WDR7: variants seen among roughly 807,000 people sequenced by gnomAD.
WDR7 encodes the protein WD repeat-containing protein 7.
Under a neutral mutation model 169.4 loss-of-function variants are expected in WDR7, and 46 were observed. The observed-to-expected ratio is 0.27, with a 90% CI of 0.21 to 0.35. The LOEUF (loss-of-function observed/expected upper bound fraction) is 0.35. Among genes scored for constraint, WDR7 ranks in the 10% least tolerant of loss-of-function variants. The pLI is 1.00. For synonymous variants in WDR7, 612 were observed against 666.8 expected (o/e 0.92, Z 1.27); for missense variants, 1,534 against 1,859.3 (o/e 0.83, Z 3.22).
At chr18:56,666,392 G>A (rs1349921262) in intron 1 of WDR7, among the ~76,000 whole-genome samples, 1 of 151,428 alleles carries the variant, frequency 6.6e-6, no homozygotes, top group African/African-American at 2.4e-5. Flanking sequence ...TAGTAGAGAC[G>A]GGGTTTCTCC....
intron 21 of WDR7, among the ~76,000 whole-genome samples, chr18:56,900,496 G>A (rs1262146401): frequency 6.6e-6 from 1 of 152,040 alleles, no homozygotes; most frequent in Non-Finnish European, 1.5e-5. Flanking sequence ...TACTAAAAGA[G>A]GTAAAAAGAG....
intron 20 of WDR7, among the ~76,000 whole-genome samples, chr18:56,842,412 T>C (rs2045499842): frequency 6.6e-6 from 1 of 152,188 alleles, no homozygotes; most frequent in Admixed American, 6.5e-5. Context: ...GCAGTGCTCT[T>C]ATGATCTAAT....
intron 2 of WDR7, among the ~76,000 whole-genome samples, chr18:56,676,194 C>G (rs922534639): frequency 6.6e-6 from 1 of 151,958 alleles, no homozygotes; most frequent in African/African-American, 2.4e-5. Context: ...CCTATTTCTG[C>G]TTTTTTTGGT....
At chr18:56,741,490 C>T (rs1423791810) in intron 14 of WDR7, among the ~76,000 whole-genome samples, 3 of 152,198 alleles carry the variant, frequency 2.0e-5, no homozygotes, top group East Asian at 1.9e-4. Context: ...ACAAATCTGA[C>T]ATCTGCTCCA....
chr18:56,745,953 C>T (rs975760872), intron 14 of WDR7, among the ~76,000 whole-genome samples: 2 of 152,122 alleles, frequency 1.3e-5, no homozygotes, highest in African/African-American at 4.8e-5. Flanking sequence ...TTGAACTTTC[C>T]TAGGACAATG....
chr18:56,788,188 A>G (rs1490410211), intron 19 of WDR7, among the ~76,000 whole-genome samples: 1 of 152,116 alleles, frequency 6.6e-6, no homozygotes, highest in Non-Finnish European at 1.5e-5. Context: ...TTCATCCTCT[A>G]TTCACTAGCC....
chr18:56,891,125 T>A (rs1185006281), intron 21 of WDR7, among the ~76,000 whole-genome samples: 3 of 152,198 alleles, frequency 2.0e-5, no homozygotes, highest in Non-Finnish European at 4.4e-5. Flanking sequence ...ATGGTAGCTG[T>A]AGTCATTAAA....
In WDR7 at chr18:57,028,282, T is replaced by A. The variant is rs2048397383; in HGVS notation, c.*1075T>A. 1 of 152,244 alleles carries A rather than the reference T, an allele frequency of 6.6e-6. No individual in the cohort carries two copies. The highest frequency in any genetic ancestry group is 1.5e-5 in the Non-Finnish European group (1 of 68,044). 9.4% of individuals were successfully genotyped at this position (152,244 alleles called of 1,614,324 possible). A position where few individuals can be genotyped will look rare whatever the true frequency, so the allele number is the denominator to read the frequency against. On this transcript the variant is annotated 3_prime_UTR_variant, in exon 28 of 28. Coordinates refer to ENST00000254442, the MANE Select transcript of WDR7 (RefSeq NM_015285.3). ...ACTATGGCACAAATGTTCAGGAGTG[T>A]ATATAAAAATATGTGGGCTCTCGAT...
chr18:56,702,929 A>G (rs1299581660), intron 12 of WDR7, among the ~76,000 whole-genome samples: 1 of 152,214 alleles, frequency 6.6e-6, no homozygotes, highest in East Asian at 1.9e-4. Context: ...AGAATTATTC[A>G]GAACAGAAGT....
chr18:57,036,591 AC>A, the WDR7 span: 1 of 152,174 alleles, frequency 6.6e-6, no homozygotes, highest in African/African-American at 2.4e-5. Context: ...TTCCTAATAC[AC>A]CCGCTTTCAG....
chr18:56,867,545 A>G (rs2145431457), intron 20 of WDR7, among the ~76,000 whole-genome samples: 1 of 152,292 alleles, frequency 6.6e-6, no homozygotes, highest in Non-Finnish European at 1.5e-5. Context: ...GGAGATAGAT[A>G]GGGAGGATTT....
chr18:56,795,970 A>C (rs2044578201), intron 19 of WDR7, among the ~76,000 whole-genome samples: 1 of 152,234 alleles, frequency 6.6e-6, no homozygotes, highest in Non-Finnish European at 1.5e-5. Context: ...GGAAATGTGA[A>C]TACAACAATG....
chr18:57,009,945 A>T, intron 26 of WDR7: 1 of 985,410 alleles, frequency 1.0e-6, no homozygotes, highest in Non-Finnish European at 1.2e-6. Flanking sequence ...CCCAAATCAA[A>T]ACCCACGAAA....
chr18:56,691,708 T>C lies in WDR7; in HGVS notation c.864-7T>C, dbSNP rs775382233. ...TTAATTGAATATTGTATTTTTCCCA[T>C]ATTCAGTTGCCTTCCAGCTAGTGAT... On this transcript the variant is annotated splice_polypyrimidine_tract_variant and splice_region_variant and intron_variant, in intron 8 of 27. Coordinates refer to ENST00000254442, the MANE Select transcript of WDR7 (RefSeq NM_015285.3). 6.2e-7 allele frequency: 1 copy of C among 1,603,300 alleles called. No individual in the cohort carries two copies. Among genetic ancestry groups the C allele is most frequent in the Non-Finnish European group, 8.5e-7 (1 of 1,176,832 alleles).
chr18:56,957,400 G>A (rs2047267525), intron 25 of WDR7: 3 of 151,472 alleles, frequency 2.0e-5, no homozygotes, highest in Admixed American at 6.6e-5. Context: ...CTTCAACTGC[G>A]CTTTGCCATT....
intron 16 of WDR7, among the ~76,000 whole-genome samples, chr18:56,769,656 A>G (rs1163802055): frequency 6.6e-6 from 1 of 152,222 alleles, no homozygotes; most frequent in African/African-American, 2.4e-5. Flanking sequence ...AGTTTAAGCA[A>G]TGTAAAGTTT....
chr18:56,860,031 A>C (rs1178113288), intron 20 of WDR7, among the ~76,000 whole-genome samples: 2 of 152,204 alleles, frequency 1.3e-5, no homozygotes, highest in Non-Finnish European at 2.9e-5. Flanking sequence ...ATGGATGAGA[A>C]AAGAGGGAAG....
intron 1 of WDR7, among the ~76,000 whole-genome samples, chr18:56,664,781 A>G (rs909139660): frequency 1.3e-5 from 2 of 152,204 alleles, no homozygotes; most frequent in Non-Finnish European, 1.5e-5. Flanking sequence ...TCCTTGAGAA[A>G]CATAGGCTGT....
In WDR7 at chr18:57,029,133, C is replaced by A. The variant is rs192698859; in HGVS notation, c.*1926C>A. 4 of 152,326 alleles carry A rather than the reference C, an allele frequency of 2.6e-5. No individual in the cohort carries two copies. The East Asian group carries it at 7.7e-4, about 29-fold the overall frequency. The allele number at this position is 152,326 out of a possible 1,614,324, so 9.4% of individuals were successfully genotyped here. ...AGGTAAATGTATACCTTAGCATTTT[C>A]TTTAACAAAAATGTTCTGTGTGTCA... On this transcript the variant is annotated 3_prime_UTR_variant, in exon 28 of 28. Transcript: ENST00000254442.
Sources: gnomAD v4.1 joint callset for allele counts (sites outside exome capture counted in the v4.1 genomes callset) on GRCh38, gnomAD v4.1.1 for gene constraint, MANE v1.5 for transcripts, NCBI Gene and HGNC (gene_info 2026-07-23, HGNC 2026-07-21) for gene names.